ASTN2: variants seen among roughly 807,000 people sequenced by gnomAD.
ASTN2 encodes astrotactin-2.
A neutral mutation model predicts 139.8 loss-of-function variants in ASTN2; 54 were observed. The ratio of observed to expected loss-of-function variants is 0.39; its 90% CI spans 0.31 to 0.48. The LOEUF (loss-of-function observed/expected upper bound fraction) is 0.48. Ranked by LOEUF, ASTN2 falls within the 20% of genes least tolerant of loss-of-function variation. The pLI, the probability that ASTN2 is intolerant of heterozygous loss-of-function variation, is 0.95. For synonymous variants in ASTN2, 756 were observed against 719.5 expected (o/e 1.05, Z -0.81); for missense variants, 1,565 against 1,725.1 (o/e 0.91, Z 1.64).
chr9:116,572,526 G>A (rs575753123), intron 19 of ASTN2, among the ~76,000 whole-genome samples: 18 of 152,346 alleles, frequency 1.2e-4, no homozygotes, highest in Middle Eastern at 3.4e-3. Context: ...GTGTGAATAA[G>A]TGCACTGAGA....
intron 2 of ASTN2, among the ~76,000 whole-genome samples, chr9:117,269,337 CT>C: frequency 6.6e-6 from 1 of 152,282 alleles, no homozygotes; most frequent in Middle Eastern, 3.4e-3. Context: ...AAGAATGACA[CT>C]TTAAAGACAA....
intron 4 of ASTN2, among the ~76,000 whole-genome samples, chr9:117,125,835 G>GA (rs914492147): frequency 1.7e-4 from 26 of 151,672 alleles, no homozygotes; most frequent in African/African-American, 5.4e-4. Flanking sequence ...GCGGCGGGGG[G>GA]GGGAATTGGA....
chr9:117,372,074 G>A (rs1387997529), intron 1 of ASTN2, among the ~76,000 whole-genome samples: 2 of 152,152 alleles, frequency 1.3e-5, no homozygotes, highest in Non-Finnish European at 2.9e-5. Context: ...ACTTGGCAAA[G>A]TAGATACTGA....
At chr9:116,603,635 A>C (rs1416550658) in intron 19 of ASTN2, among the ~76,000 whole-genome samples, 1 of 152,232 alleles carries the variant, frequency 6.6e-6, no homozygotes, top group Non-Finnish European at 1.5e-5. Flanking sequence ...ATTCAGCTTG[A>C]CTTCCCCTTT....
At chr9:117,136,130 A>G (rs1046343825) in intron 4 of ASTN2, among the ~76,000 whole-genome samples, 7 of 152,222 alleles carry the variant, frequency 4.6e-5, no homozygotes, top group Non-Finnish European at 1.0e-4. Context: ...TGATCAGAAT[A>G]ATAAATAACA....
At chr9:117,399,299 T>C (rs1207645998) in intron 1 of ASTN2, among the ~76,000 whole-genome samples, 2 of 152,150 alleles carry the variant, frequency 1.3e-5, no homozygotes, top group Non-Finnish European at 2.9e-5. Context: ...AGGAAAGTCA[T>C]CTTAGAAGGA....
chr9:116,935,742 C>T (rs768834972), intron 10 of ASTN2, among the ~76,000 whole-genome samples: 63 of 152,292 alleles, frequency 4.1e-4, no homozygotes, highest in Middle Eastern at 3.4e-3. Flanking sequence ...GTGATACTGC[C>T]TGAACTTGGG....
chr9:116,474,870 C>A (rs1326909096), intron 20 of ASTN2, among the ~76,000 whole-genome samples: 1 of 152,210 alleles, frequency 6.6e-6, no homozygotes, highest in Non-Finnish European at 1.5e-5. Context: ...CTCCAGAAGC[C>A]TCTCCCTATG....
At chr9:117,203,258 G>T (rs1021490889) in intron 3 of ASTN2, among the ~76,000 whole-genome samples, 1 of 151,852 alleles carries the variant, frequency 6.6e-6, no homozygotes, top group Non-Finnish European at 1.5e-5. Flanking sequence ...AAGATTCTTA[G>T]CTTCTTTGCA....
chr9:116,522,640 C>T (rs1850926648), intron 19 of ASTN2, among the ~76,000 whole-genome samples: 1 of 152,078 alleles, frequency 6.6e-6, no homozygotes, highest in Non-Finnish European at 1.5e-5. Flanking sequence ...TCAAATACCA[C>T]CTGTTTCCCT....
intron 2 of ASTN2, among the ~76,000 whole-genome samples, chr9:117,235,565 AACTACT>A (rs1833021364): frequency 6.6e-6 from 1 of 152,174 alleles, no homozygotes; most frequent in African/African-American, 2.4e-5. Context: ...ATGTAAAATA[AACTACT>A]ACTACAACAA....
chr9:116,985,862 C>T (rs1208510062), intron 7 of ASTN2, among the ~76,000 whole-genome samples: 1 of 152,134 alleles, frequency 6.6e-6, no homozygotes, highest in Non-Finnish European at 1.5e-5. Flanking sequence ...TTCTCAGATG[C>T]ACCAGGAAGG....
chr9:117,157,089 T>C (rs1830448976), intron 3 of ASTN2, among the ~76,000 whole-genome samples: 1 of 151,982 alleles, frequency 6.6e-6, no homozygotes. Flanking sequence ...TGAGATACAA[T>C]AGCAAGTCAT....
At chr9:117,050,026 C>A (rs542575980) in intron 5 of ASTN2, among the ~76,000 whole-genome samples, 1 of 152,102 alleles carries the variant, frequency 6.6e-6, no homozygotes, top group Non-Finnish European at 1.5e-5. Flanking sequence ...GACTATCAAT[C>A]GACTGGTGCT....
intron 5 of ASTN2, among the ~76,000 whole-genome samples, chr9:117,078,581 A>C (rs1417623451): frequency 6.6e-6 from 1 of 152,224 alleles, no homozygotes. Flanking sequence ...GAGGCCACAG[A>C]ATTTAATTGA....
chr9:116,976,082 A>C, intron 9 of ASTN2, 32 bp downstream of exon 9: 1 of 1,605,476 alleles, frequency 6.2e-7, no homozygotes, highest in Non-Finnish European at 8.5e-7. Context: ...TCCATTTCCC[A>C]GAATTATGCC....
At chr9:117,262,578 C>A (rs2133110967) in intron 2 of ASTN2, among the ~76,000 whole-genome samples, 1 of 152,102 alleles carries the variant, frequency 6.6e-6, no homozygotes, top group South Asian at 2.1e-4. Flanking sequence ...CCAGAGTTGG[C>A]CAACTGGAGC....
chr9:116,940,776 C>A (rs1180967352), intron 10 of ASTN2, among the ~76,000 whole-genome samples: 1 of 152,142 alleles, frequency 6.6e-6, no homozygotes, highest in Non-Finnish European at 1.5e-5. Context: ...ATGTCCTAGG[C>A]CTTCACTTTC....
chr9:117,294,618 T>C (rs898914692), intron 1 of ASTN2, among the ~76,000 whole-genome samples: 1 of 152,236 alleles, frequency 6.6e-6, no homozygotes, highest in Admixed American at 6.5e-5. Context: ...AGGGAGCTCA[T>C]AATCATTTAG....
Sources: gnomAD v4.1 joint callset for allele counts (sites outside exome capture counted in the v4.1 genomes callset) on GRCh38, gnomAD v4.1.1 for gene constraint, MANE v1.5 for transcripts, NCBI Gene and HGNC (gene_info 2026-07-23, HGNC 2026-07-21) for gene names.